NRG3: variants seen among roughly 807,000 people sequenced by gnomAD.
The protein encoded by NRG3 is pro-neuregulin-3, membrane-bound isoform.
Under a neutral mutation model 66.9 loss-of-function variants are expected in NRG3, and 31 were observed. The observed-to-expected ratio is 0.46, with a 90% confidence interval of 0.35 to 0.63. The LOEUF (loss-of-function observed/expected upper bound fraction) is 0.63, where lower values mean the gene tolerates loss of function less well. Among genes scored for constraint, NRG3 ranks in the 20% least tolerant of loss-of-function variants. The probability of loss-of-function intolerance (pLI) is 0.00; values close to 1 mark genes in which losing one functional copy is unlikely to be tolerated. For synonymous variants in NRG3, 393 were observed against 359.4 expected (o/e 1.09, Z -1.06); for missense variants, 910 against 878.9 (o/e 1.04, Z -0.45).
At chr10:82,003,672 G>C (rs1043975258) in intron 1 of NRG3, among the ~76,000 whole-genome samples, 2 of 152,138 alleles carry the variant, frequency 1.3e-5, no homozygotes. Flanking sequence ...GGAAATTGCT[G>C]GTAACCAAAA....
intron 1 of NRG3, among the ~76,000 whole-genome samples, chr10:82,309,102 A>G (rs919359201): frequency 6.6e-6 from 1 of 152,272 alleles, no homozygotes; most frequent in South Asian, 2.1e-4. Context: ...AATATCCACT[A>G]CTATTGCCCT....
In NRG3 at chr10:82,738,621, C is replaced by T. The variant is rs780005762; in HGVS notation, c.998C>T (p.Pro333Leu). The T allele has an allele frequency of 1.2e-6, 2 of 1,614,086 alleles. No individual in the cohort carries two copies. The highest frequency in any genetic ancestry group is 1.1e-5 in the South Asian group (1 of 91,086). The change falls in exon 3 of 9, where the codon CCG (proline) becomes CTG (leucine). Residue 333 changes from proline (P) to leucine (L), a missense_variant. By Grantham distance (98) the Pro-to-Leu change is moderately conservative. Transcript: ENST00000372141. ...YQGVRCDQFLPKTDSILSDPT... is the reference protein window; with the variant it reads ...YQGVRCDQFLLKTDSILSDPT... The stretch of plus-strand genomic sequence containing the variant: ...GGAGTCCGTTGTGATCAATTTCTGC[C>T]GAAAACTGATTCCATCTTATCGGAT...
At chr10:82,116,456 G>T (rs572734661) in intron 1 of NRG3, among the ~76,000 whole-genome samples, 12 of 152,172 alleles carry the variant, frequency 7.9e-5, no homozygotes, top group Non-Finnish European at 1.2e-4. Flanking sequence ...AACTATGAAT[G>T]CTTTCAGATA....
At chr10:82,852,519 G>A (rs1380662345) in intron 3 of NRG3, among the ~76,000 whole-genome samples, 1 of 152,068 alleles carries the variant, frequency 6.6e-6, no homozygotes, top group East Asian at 1.9e-4. Flanking sequence ...AAGAAAATTA[G>A]CTCACCTCTC....
chr10:82,008,641 T>C (rs560416764), intron 1 of NRG3, among the ~76,000 whole-genome samples: 1 of 152,334 alleles, frequency 6.6e-6, no homozygotes, highest in Admixed American at 6.5e-5. Flanking sequence ...CTGTCACCCA[T>C]TGGAACTTCC....
intron 1 of NRG3, among the ~76,000 whole-genome samples, chr10:82,085,849 G>A (rs2065690780): frequency 6.6e-6 from 1 of 151,876 alleles, no homozygotes; most frequent in Non-Finnish European, 1.5e-5. Flanking sequence ...ATGTTGGCCA[G>A]GCTAGTCTCG....
intron 2 of NRG3, among the ~76,000 whole-genome samples, chr10:82,474,026 C>T (rs909903546): frequency 2.0e-5 from 3 of 151,960 alleles, no homozygotes; most frequent in Non-Finnish European, 2.9e-5. Flanking sequence ...GATGCATTCA[C>T]AGGACCAGGA....
chr10:81,977,025 A>G (rs569786665), intron 1 of NRG3, among the ~76,000 whole-genome samples: 1 of 152,350 alleles, frequency 6.6e-6, no homozygotes, highest in East Asian at 1.9e-4. Flanking sequence ...AGTTTAGCAC[A>G]AATACAACAA....
intron 3 of NRG3, among the ~76,000 whole-genome samples, chr10:82,844,422 C>T (rs193262009): frequency 6.6e-6 from 1 of 152,288 alleles, no homozygotes; most frequent in Non-Finnish European, 1.5e-5. Flanking sequence ...CCCTTGTTAT[C>T]ACTGATGCAA....
At chr10:81,925,559 A>T (rs1490580201) in intron 1 of NRG3, among the ~76,000 whole-genome samples, 3 of 152,296 alleles carry the variant, frequency 2.0e-5, no homozygotes, top group East Asian at 3.9e-4. Flanking sequence ...TGCAAATTGG[A>T]ATTAATTATC....
intron 2 of NRG3, among the ~76,000 whole-genome samples, chr10:82,362,546 G>GTTTTTTTTTTTTTTTT (rs1564840125): frequency 1.1e-5 from 1 of 91,284 alleles, no homozygotes. Flanking sequence ...GATAATTTCT[G>GTTTTTTTTTTTTTTTT]GGTTTTTTTT....
intron 3 of NRG3, among the ~76,000 whole-genome samples, chr10:82,742,305 A>G (rs955104050): frequency 1.3e-5 from 2 of 152,164 alleles, no homozygotes; most frequent in Admixed American, 1.3e-4. Flanking sequence ...CAAGGATGTC[A>G]CTGTGAGAGC....
chr10:82,638,713 C>T (rs1764699704), intron 2 of NRG3, among the ~76,000 whole-genome samples: 1 of 151,842 alleles, frequency 6.6e-6, no homozygotes, highest in Non-Finnish European at 1.5e-5. Context: ...GTGGTGCGAT[C>T]TCAGCTAACT....
At chr10:82,396,777 A>G (rs2086741089) in intron 2 of NRG3, among the ~76,000 whole-genome samples, 2 of 152,074 alleles carry the variant, frequency 1.3e-5, no homozygotes, top group Non-Finnish European at 2.9e-5. Flanking sequence ...AGGACTGACC[A>G]TATTTATTTG....
rs1592068589 is a variant in NRG3 at position 82,951,588 on chromosome 10, C to G, written c.1157+17C>G. 6.2e-7 allele frequency: 1 copy of G among 1,601,124 alleles called. No homozygotes were observed. Among genetic ancestry groups the G allele is most frequent in the Non-Finnish European group, 8.6e-7 (1 of 1,168,660 alleles). On this transcript the variant is annotated intron_variant, in intron 5 of 8. Coordinates refer to ENST00000372141, the MANE Select transcript of NRG3 (RefSeq NM_001010848.4). ...CAAAAGCAAGTAAGACTATTTCTCT[C>G]AAGTGTTTAAAGGTTACTTTTAGAG... is the stretch of plus-strand genomic sequence containing the variant.
chr10:82,540,506 G>GT (rs756551743), intron 2 of NRG3, among the ~76,000 whole-genome samples: 19 of 151,994 alleles, frequency 1.3e-4, no homozygotes, highest in Non-Finnish European at 2.1e-4. Flanking sequence ...ATGTGTTTGT[G>GT]TGTGTGTGTG....
chr10:82,502,878 C>T (rs574040362), intron 2 of NRG3, among the ~76,000 whole-genome samples: 15 of 152,268 alleles, frequency 9.9e-5, no homozygotes, highest in African/African-American at 3.6e-4. Flanking sequence ...AATTCTAGGT[C>T]TTAGTATGTG....
At chr10:81,997,001 G>A (rs2060964227) in intron 1 of NRG3, among the ~76,000 whole-genome samples, 2 of 152,106 alleles carry the variant, frequency 1.3e-5, no homozygotes, top group South Asian at 4.1e-4. Flanking sequence ...TTAATAAAAT[G>A]GGTAAGGTTT....
chr10:82,587,905 C>T (rs2046766536), intron 2 of NRG3, among the ~76,000 whole-genome samples: 1 of 152,128 alleles, frequency 6.6e-6, no homozygotes. Context: ...ATTATATTTC[C>T]ATTTTGAGGA....
Sources: allele counts gnomAD v4.1 joint callset (sites outside exome capture counted in the v4.1 genomes callset), GRCh38; gene constraint gnomAD v4.1.1; transcripts MANE v1.5; gene names NCBI Gene and HGNC (gene_info 2026-07-23, HGNC 2026-07-21).